FGF14: variants seen among roughly 807,000 people sequenced by gnomAD.
The protein encoded by FGF14 is fibroblast growth factor 14.
FGF14 carries 5 observed loss-of-function variants against 25.5 expected under a neutral mutation model. The observed-to-expected ratio is 0.20, with a 90% CI of 0.10 to 0.41. The LOEUF (loss-of-function observed/expected upper bound fraction) is 0.41. Among genes scored for constraint, FGF14 ranks in the 10% least tolerant of loss-of-function variants. The pLI is 1.00. For missense variants in FGF14, 222 were observed against 320.1 expected (o/e 0.69, Z 2.34); for synonymous variants, 138 against 118.3 (o/e 1.17, Z -1.08).
At chr13:102,055,806 A>C (rs2042404453) in intron 1 of FGF14, among the ~76,000 whole-genome samples, 1 of 152,146 alleles carries the variant, frequency 6.6e-6, no homozygotes. Context: ...CATACCCGAG[A>C]CTGGGTAATT....
intron 3 of FGF14, among the ~76,000 whole-genome samples, chr13:101,848,224 T>C (rs145687107): frequency 1.3e-5 from 2 of 152,094 alleles, no homozygotes; most frequent in Non-Finnish European, 2.9e-5. Flanking sequence ...ATCAACCCTG[T>C]CAAGATATGC....
At chr13:101,930,510 T>TC in intron 1 of FGF14, among the ~76,000 whole-genome samples, 1 of 152,192 alleles carries the variant, frequency 6.6e-6, no homozygotes, top group South Asian at 2.1e-4. Context: ...ATAACATTCC[T>TC]TATGTGGTTA....
At chr13:101,866,561 C>G (rs1228958240) in intron 3 of FGF14, among the ~76,000 whole-genome samples, 2 of 151,220 alleles carry the variant, frequency 1.3e-5, no homozygotes, top group African/African-American at 4.9e-5. Context: ...GTGGATTGTA[C>G]AAATATCATC....
intron 3 of FGF14, among the ~76,000 whole-genome samples, chr13:101,770,324 A>G: frequency 6.6e-6 from 1 of 152,056 alleles, no homozygotes; most frequent in East Asian, 1.9e-4. Flanking sequence ...TTTTATCTTT[A>G]CCTCGTTATT....
intron 1 of FGF14, among the ~76,000 whole-genome samples, chr13:102,258,464 C>T (rs1336710685): frequency 1.3e-5 from 2 of 152,126 alleles, no homozygotes; most frequent in Non-Finnish European, 2.9e-5. Context: ...TCTTTGTTCC[C>T]TTTTGGGACT....
At chr13:102,071,185 G>A (rs141670531) in intron 1 of FGF14, among the ~76,000 whole-genome samples, 2 of 152,322 alleles carry the variant, frequency 1.3e-5, no homozygotes, top group Non-Finnish European at 2.9e-5. Flanking sequence ...ACCCTTAGAA[G>A]CAAGTGTGTG....
chr13:102,033,018 T>C lies in FGF14; in HGVS notation c.209-157722A>G, dbSNP rs2041287472. Among the ~76,000 whole-genome samples, 4 of 152,248 alleles carry C rather than the reference T, an allele frequency of 2.6e-5. 1 individual carries two copies. In the South Asian group the frequency reaches 6.2e-4, roughly 24 times the overall value. On this transcript the variant is annotated intron_variant, in intron 1 of 4. Coordinates refer to the FGF14 transcript ENST00000376131. ...AATCAAAACTTCACTTGACCACAGC[T>C]GTGTATTCACTTTCTGGAATTGCCT...
At chr13:101,899,211 A>AT (rs1017374644) in intron 1 of FGF14, among the ~76,000 whole-genome samples, 3 of 151,990 alleles carry the variant, frequency 2.0e-5, no homozygotes, top group African/African-American at 7.3e-5. Context: ...AAAAAGAAAA[A>AT]AAATCCTCCT....
intron 1 of FGF14, among the ~76,000 whole-genome samples, chr13:101,911,152 T>C (rs2032891050): frequency 6.6e-6 from 1 of 151,680 alleles, no homozygotes; most frequent in Admixed American, 6.6e-5. Context: ...AGAAGGGAGG[T>C]TCTTGTTGGG....
intron 3 of FGF14, among the ~76,000 whole-genome samples, chr13:101,770,087 A>T (rs974582926): frequency 1.3e-5 from 2 of 152,120 alleles, no homozygotes; most frequent in Admixed American, 1.3e-4. Context: ...CTGTGCCTTC[A>T]TCTCACTTTT....
At chr13:102,282,788 C>T (rs1209162437) in intron 1 of FGF14, among the ~76,000 whole-genome samples, 1 of 151,626 alleles carries the variant, frequency 6.6e-6, no homozygotes, top group Non-Finnish European at 1.5e-5. Context: ...ACTATTTTCA[C>T]TCATATTCCA....
At chr13:102,070,666 A>G (rs907924829) in intron 1 of FGF14, among the ~76,000 whole-genome samples, 8 of 152,242 alleles carry the variant, frequency 5.3e-5, no homozygotes, top group Admixed American at 2.0e-4. Flanking sequence ...GAAAATATGT[A>G]TATGTACACA....
chr13:101,849,733 A>G (rs1046999903), intron 3 of FGF14, among the ~76,000 whole-genome samples: 1 of 152,078 alleles, frequency 6.6e-6, no homozygotes, highest in Non-Finnish European at 1.5e-5. Flanking sequence ...TCCTTTATGG[A>G]TGGTATAGAA....
chr13:101,819,268 G>A (rs1373800938), intron 3 of FGF14, among the ~76,000 whole-genome samples: 13 of 152,112 alleles, frequency 8.5e-5, no homozygotes, highest in South Asian at 4.2e-4. Flanking sequence ...AGAAAAGAAG[G>A]GAAAGGAGAG....
At chr13:102,064,885 C>T (rs980180569) in intron 1 of FGF14, among the ~76,000 whole-genome samples, 10 of 151,852 alleles carry the variant, frequency 6.6e-5, no homozygotes, top group African/African-American at 2.4e-4. Context: ...ACATGAGCAT[C>T]CCTGGATTTT....
chr13:102,274,534 T>C lies in FGF14; in HGVS notation c.208+126937A>G, dbSNP rs1325428734. Among the ~76,000 whole-genome samples, 4 of 152,166 alleles carry C rather than the reference T, an allele frequency of 2.6e-5. No homozygotes were observed. In the East Asian group the frequency reaches 7.7e-4, roughly 29 times the overall value. On this transcript the variant is annotated intron_variant, in intron 1 of 4. Coordinates refer to the FGF14 transcript ENST00000376131. Reference sequence around the variant, plus strand: ...AATGCTGTGTCCAGCAAAATGCAGGTTGCAGGTGATGAATAAACAAGAAGA... The same window carrying C: ...AATGCTGTGTCCAGCAAAATGCAGGCTGCAGGTGATGAATAAACAAGAAGA...
At chr13:101,883,065 A>T (rs2138816617) in intron 1 of FGF14, among the ~76,000 whole-genome samples, 1 of 152,322 alleles carries the variant, frequency 6.6e-6, no homozygotes, top group Non-Finnish European at 1.5e-5. Context: ...CAGGAAAAAC[A>T]TTTAAACCAG....
chr13:101,904,885 T>C (rs966953972), intron 1 of FGF14, among the ~76,000 whole-genome samples: 9 of 152,186 alleles, frequency 5.9e-5, no homozygotes, highest in African/African-American at 2.2e-4. Context: ...CTTGAAACTT[T>C]AGCAACTTTT....
intron 1 of FGF14, among the ~76,000 whole-genome samples, chr13:101,969,445 TGTTA>T (rs1313099538): frequency 6.6e-6 from 1 of 152,188 alleles, no homozygotes; most frequent in East Asian, 1.9e-4. Flanking sequence ...TGTTTCTGGC[TGTTA>T]GTCATTGGTA....
Sources: gnomAD v4.1 joint callset for allele counts (sites outside exome capture counted in the v4.1 genomes callset) on GRCh38, gnomAD v4.1.1 for gene constraint, MANE v1.5 for transcripts, NCBI Gene and HGNC (gene_info 2026-07-23, HGNC 2026-07-21) for gene names.